The following GLIS1 variants were observed in gnomAD, a reference collection of about 807,000 sequenced individuals.
The protein encoded by GLIS1 is GLIS family zinc finger 1.
A neutral mutation model predicts 63.8 loss-of-function variants in GLIS1; 24 were observed. The ratio of observed to expected loss-of-function variants is 0.38; its 90% confidence interval spans 0.27 to 0.53. GLIS1 has a LOEUF of 0.53. GLIS1 is among the 20% of genes least tolerant of loss of function. GLIS1 has a pLI of 0.85. For missense variants in GLIS1, 1,036 were observed against 1,074.1 expected, an observed-to-expected ratio of 0.96 and a Z score of 0.50; for synonymous variants, 450 against 482.5, an observed-to-expected ratio of 0.93 and a Z score of 0.88.
At chr1:53,552,217 C>T (rs1345967719) in intron 4 of GLIS1, among the ~76,000 whole-genome samples, 1 of 152,138 alleles carries the variant, frequency 6.6e-6, no homozygotes, top group East Asian at 1.9e-4. Flanking sequence ...CTACCAGCTC[C>T]CAGGCCTCAC....
intron 10 of GLIS1, among the ~76,000 whole-genome samples, chr1:53,506,984 C>T (rs1250750153): frequency 2.6e-5 from 4 of 152,088 alleles, no homozygotes; most frequent in Non-Finnish European, 5.9e-5. Flanking sequence ...CTGGGCCTGG[C>T]ACACCCAGGG....
chr1:53,596,769 G>A (rs901095277), intron 3 of GLIS1, among the ~76,000 whole-genome samples: 3 of 152,140 alleles, frequency 2.0e-5, no homozygotes, highest in African/African-American at 7.2e-5. Context: ...GGAAGGGACA[G>A]GGCTCCCTGG....
At chr1:53,701,047 C>A (rs1256029137) in intron 2 of GLIS1, among the ~76,000 whole-genome samples, 1 of 152,214 alleles carries the variant, frequency 6.6e-6, no homozygotes, top group African/African-American at 2.4e-5. Context: ...GTTGTTCCCA[C>A]TTTTTGGCTA....
At position 53,594,016 on chromosome 1, in the gene GLIS1, C is replaced by T. The variant is rs545769778; in HGVS notation, c.1320+92G>A. On this transcript the variant is annotated intron_variant, in intron 4 of 10. Transcript: ENST00000628545. ...CAGGGATCTCAGCCAGCCCAGAGGA[C>T]GGAGTCCCAGGCGGCCTCTCCTGGG... 1.2e-4 allele frequency: 173 copies of T among 1,400,974 alleles called. No homozygotes were observed. In the African/African-American group the frequency reaches 1.9e-3, roughly 16 times the overall value. 86.8% of individuals were successfully genotyped at this position (1,400,974 alleles called of 1,614,324 possible).
chr1:53,716,716 G>A (rs1341090338), intron 2 of GLIS1, among the ~76,000 whole-genome samples: 1 of 152,060 alleles, frequency 6.6e-6, no homozygotes, highest in African/African-American at 2.4e-5. Context: ...AAGACAAAGA[G>A]CTAGGTATTA....
At chr1:53,518,844 C>T (rs1012720689) in intron 7 of GLIS1, among the ~76,000 whole-genome samples, 1 of 152,232 alleles carries the variant, frequency 6.6e-6, no homozygotes, top group African/African-American at 2.4e-5. Flanking sequence ...TGTCCCTTCT[C>T]GCTGGGACAA....
chr1:53,691,995 T>G (rs1317590766), intron 2 of GLIS1, among the ~76,000 whole-genome samples: 1 of 152,068 alleles, frequency 6.6e-6, no homozygotes, highest in East Asian at 1.9e-4. Context: ...TCCACACCTA[T>G]AATCTAACCT....
intron 2 of GLIS1, among the ~76,000 whole-genome samples, chr1:53,677,073 A>G (rs1375314721): frequency 6.6e-6 from 1 of 152,150 alleles, no homozygotes; most frequent in African/African-American, 2.4e-5. Context: ...GCACAAGCCC[A>G]AGCTCTCCTT....
chr1:53,675,991 G>A (rs1375202553), intron 2 of GLIS1, among the ~76,000 whole-genome samples: 5 of 151,762 alleles, frequency 3.3e-5, no homozygotes, highest in African/African-American at 1.2e-4. Flanking sequence ...GCAGGAGGGG[G>A]AAAAAAGGCA....
intron 2 of GLIS1, among the ~76,000 whole-genome samples, chr1:53,636,490 C>G (rs115319945): frequency 2.9e-3 from 437 of 152,236 alleles, no homozygotes; most frequent in Non-Finnish European, 4.9e-3. Flanking sequence ...AAAAAGCCAA[C>G]AGCAAATATC....
rs138317820 is a variant in GLIS1, at chr1:53,637,038, G to A, written c.260-36760C>T. On this transcript the variant is annotated intron_variant, in intron 2 of 10. Coordinates refer to ENST00000628545, the MANE Select transcript of GLIS1 (RefSeq NM_001367484.1). ...AGGGTGACTGGACATGGGAGCTACA[G>A]AAGGATGCTGCCTCCTCAGTGGGGC... is the stretch of plus-strand genomic sequence containing the variant. 8.9e-3 allele frequency among the ~76,000 whole-genome samples: 1,357 copies of A among 152,342 alleles called. 25 individuals carry two copies. The highest frequency in any genetic ancestry group is 0.031 in the African/African-American group (1,274 of 41,578).
intron 2 of GLIS1, among the ~76,000 whole-genome samples, chr1:53,619,663 G>C (rs906467302): frequency 3.3e-5 from 5 of 152,248 alleles, no homozygotes; most frequent in African/African-American, 1.2e-4. Flanking sequence ...CCTCAGCCCA[G>C]GGCTCCAGTG....
chr1:53,687,647 C>T (rs528248974), intron 2 of GLIS1, among the ~76,000 whole-genome samples: 3 of 152,322 alleles, frequency 2.0e-5, no homozygotes, highest in South Asian at 2.1e-4. Flanking sequence ...GAAGGGGCAG[C>T]ACCAGGTCAG....
Position 53,574,232 on chromosome 1 carries a change from C to A in GLIS1, c.1320+19876G>T, listed in dbSNP as rs1188070536. ...CTCAGTTTCCACACATATCACTGGGCCTTTGGTCAGCTTCCCCTGCCACTG... is the reference window on the plus strand; with the variant it reads ...CTCAGTTTCCACACATATCACTGGGACTTTGGTCAGCTTCCCCTGCCACTG... On this transcript the variant is annotated intron_variant, in intron 4 of 10. Coordinates refer to ENST00000628545, the MANE Select transcript of GLIS1 (RefSeq NM_001367484.1). The surrounding 1 kb of genome is among the most constrained non-coding windows in gnomAD (Gnocchi z 4.2). Among the ~76,000 whole-genome samples, 2 of 152,188 alleles carry A rather than the reference C, an allele frequency of 1.3e-5. No homozygotes were observed. The highest frequency in any genetic ancestry group is 2.4e-5 in the African/African-American group (1 of 41,434).
intron 4 of GLIS1, among the ~76,000 whole-genome samples, chr1:53,557,038 ATGTG>A (rs1273073648): frequency 2.6e-5 from 4 of 151,584 alleles, no homozygotes; most frequent in Non-Finnish European, 5.9e-5. Context: ...TACTACAGGT[ATGTG>A]TGTGAGTGTG....
chr1:53,690,556 A>T (rs1646392034), intron 2 of GLIS1, among the ~76,000 whole-genome samples: 1 of 152,248 alleles, frequency 6.6e-6, no homozygotes, highest in African/African-American at 2.4e-5. Flanking sequence ...ATGACAGAAC[A>T]AGCAGGACGC....
intron 2 of GLIS1, among the ~76,000 whole-genome samples, chr1:53,687,953 C>G (rs1347898074): frequency 1.3e-5 from 2 of 152,188 alleles, no homozygotes; most frequent in Admixed American, 6.5e-5. Context: ...CAAGCGGGCC[C>G]GGCTGTGCCC....
rs759804098 is a variant in GLIS1, at chr1:53,659,042, G to GT, written c.260-58765dup. On this transcript the variant is annotated intron_variant, in intron 2 of 10. Coordinates refer to ENST00000628545, the MANE Select transcript of GLIS1 (RefSeq NM_001367484.1). ...TGCGGATCGTGGCAGGGGCGATGCC[G>GT]TAAGTACTTGGCACAGCAGCGTTTA... 6.1e-4 allele frequency among the ~76,000 whole-genome samples: 93 copies of GT among 152,300 alleles called. 2 individuals are homozygous for GT. Among genetic ancestry groups the GT allele is most frequent in the South Asian group, 2.5e-3 (12 of 4,822 alleles).
At chr1:53,680,858 T>C (rs1189479790) in intron 2 of GLIS1, among the ~76,000 whole-genome samples, 1 of 152,246 alleles carries the variant, frequency 6.6e-6, no homozygotes. Flanking sequence ...GGGTGAGACG[T>C]ATCTGAAGAT....
Sources: gnomAD v4.1 joint callset for allele counts (sites outside exome capture counted in the v4.1 genomes callset) on GRCh38, gnomAD v4.1.1 for gene constraint, Gnocchi (gnomAD v3.1) non-coding constraint, MANE v1.5 for transcripts, NCBI Gene and HGNC (gene_info 2026-07-23, HGNC 2026-07-21) for gene names.